Variants in SLC26A3 observed in about 807,000 individuals in gnomAD.
The protein encoded by SLC26A3 is chloride anion exchanger.
A neutral mutation model predicts 85.6 loss-of-function variants in SLC26A3; 64 were observed. The observed-to-expected ratio is 0.75, with a 90% CI of 0.61 to 0.92. SLC26A3 has a LOEUF of 0.92. SLC26A3 is among the 40% of genes least tolerant of loss of function. The pLI is 0.00. For missense variants in SLC26A3, 922 were observed against 927.3 expected, an observed-to-expected ratio of 0.99 and a Z score of 0.07; for synonymous variants, 349 against 336.0, an observed-to-expected ratio of 1.04 and a Z score of -0.42.
At chr7:107,802,224 T>C (rs988034720) in intron 1 of SLC26A3, among the ~76,000 whole-genome samples, 4 of 152,102 alleles carry the variant, frequency 2.6e-5, no homozygotes, top group African/African-American at 9.7e-5. Flanking sequence ...CTCACTTGCA[T>C]ATATAAAGAA....
chr7:107,779,527 A>C, intron 12 of SLC26A3, 141 bp downstream of exon 12: 1 of 709,022 alleles, frequency 1.4e-6, no homozygotes, highest in Admixed American at 2.4e-5. Context: ...AAAAATAGCA[A>C]ATAAAACAAA....
intron 16 of SLC26A3, 135 bp from the exon 17 acceptor site, chr7:107,774,288 A>C: frequency 1.3e-6 from 1 of 749,250 alleles, no homozygotes; most frequent in South Asian, 1.5e-5. Flanking sequence ...GTGGTGGCTC[A>C]TGCCTGTCAT....
In SLC26A3 at chr7:107,776,433, A is replaced by G; in HGVS notation, c.1677+19T>C. On this transcript the variant is annotated intron_variant, in intron 15 of 20. Transcript: ENST00000340010. ...CAGTAAGATTACAAGGAAAAAAATT[A>G]AATAACCCCAAACCTTACAGCATCG... is the stretch of plus-strand genomic sequence containing the variant. 1 of 1,589,854 alleles carries G rather than the reference A, an allele frequency of 6.3e-7. No homozygotes were observed. The highest frequency in any genetic ancestry group is 8.6e-7 in the Non-Finnish European group (1 of 1,158,204).
chr7:107,794,353 T>C lies in SLC26A3; in HGVS notation c.131+26A>G, dbSNP rs754704838. ...AAGTGCTTCAAAAATGTATTCCTAATGCCAATACCTTAAAAAATATCTTAC... is the reference window on the plus strand; with the variant it reads ...AAGTGCTTCAAAAATGTATTCCTAACGCCAATACCTTAAAAAATATCTTAC... On this transcript the variant is annotated intron_variant, in intron 2 of 20. Transcript: ENST00000340010. 1.9e-6 allele frequency: 3 copies of C among 1,613,008 alleles called. No individual in the cohort carries two copies. In the South Asian group the frequency reaches 3.3e-5, roughly 18 times the overall value.
chr7:107,784,038 A>C (rs1794252778), intron 8 of SLC26A3, among the ~76,000 whole-genome samples: 1 of 152,194 alleles, frequency 6.6e-6, no homozygotes, highest in African/African-American at 2.4e-5. Flanking sequence ...CTTAAACTCA[A>C]CATCAATTTA....
intron 5 of SLC26A3, 49 bp downstream of exon 5, chr7:107,790,999 G>A: frequency 6.3e-7 from 1 of 1,585,370 alleles, no homozygotes; most frequent in Non-Finnish European, 8.6e-7. Context: ...ATGTGTAACA[G>A]TCAAGATGAA....
intron 18 of SLC26A3, among the ~76,000 whole-genome samples, chr7:107,770,375 A>G (rs555968801): frequency 1.5e-5 from 2 of 137,596 alleles, no homozygotes; most frequent in Non-Finnish European, 3.2e-5. Flanking sequence ...TTCCATCTCA[A>G]CCTCCTGAGT....
chr7:107,787,301 C>T (rs1381409346), intron 7 of SLC26A3, 56 bp downstream of exon 7: 1 of 1,591,020 alleles, frequency 6.3e-7, no homozygotes, highest in Non-Finnish European at 8.6e-7. Context: ...TGGTGAAGGA[C>T]TTACAACATA....
At chr7:107,782,543 A>G (rs887508973) in intron 11 of SLC26A3, among the ~76,000 whole-genome samples, 3 of 152,198 alleles carry the variant, frequency 2.0e-5, no homozygotes, top group African/African-American at 7.2e-5. Flanking sequence ...TTCAACATTA[A>G]TTCTATTTGG....
chr7:107,770,002 CTTTCTTTCTTTCTTTCTTTCTTTCTTTCT>C lies in SLC26A3; in HGVS notation c.2062+2023_2062+2051del, dbSNP rs1164093324. Among the ~76,000 whole-genome samples, 11 of 30,624 alleles carry C rather than the reference CTTTCTTTCTTTCTTTCTTTCTTTCTTTCT, an allele frequency of 3.6e-4. No individual in the cohort carries two copies. In the African/African-American group the frequency reaches 4.0e-3, roughly 11 times the overall value. The allele number at this position is 30,624 out of a possible 152,430, so 20.1% of individuals were successfully genotyped here. A position where few individuals can be genotyped will look rare whatever the true frequency, so the allele number is the denominator to read the frequency against. On this transcript the variant is annotated intron_variant, in intron 18 of 20. Transcript: ENST00000340010. ...CTCCCTTCCTTCCTTCCTTTTTTCT[CTTTCTTTCTTTCTTTCTTTCTTTCTTTCT>C]TTCTTTCTTTCTTTCTTTCTCTTTT...
At chr7:107,793,933 T>C (rs750373252) in intron 2 of SLC26A3, 52 bp from the exon 3 acceptor site, 1 of 1,612,900 alleles carries the variant, frequency 6.2e-7, no homozygotes, top group Admixed American at 1.7e-5. Context: ...ATTTTAAGTT[T>C]AGTACCTGTC....
chr7:107,802,890 A>G lies in SLC26A3; in HGVS notation c.-89+221T>C, dbSNP rs530909426. The stretch of plus-strand genomic sequence containing the variant: ...GGCTATTTAAGACTTAATGATGCCT[A>G]CAACCATTTACTTGTTAAAGTCTAC... On this transcript the variant is annotated intron_variant, in intron 1 of 20. Transcript: ENST00000340010. 1.1e-4 allele frequency among the ~76,000 whole-genome samples: 16 copies of G among 152,326 alleles called. 1 individual carries two copies. In the South Asian group the frequency reaches 2.5e-3, roughly 24 times the overall value.
chr7:107,768,721 T>C (rs1324722134), intron 18 of SLC26A3, among the ~76,000 whole-genome samples: 1 of 152,246 alleles, frequency 6.6e-6, no homozygotes, highest in African/African-American at 2.4e-5. Flanking sequence ...ATAGATCATG[T>C]ACTATGAAAA....
rs767303007 is a variant in SLC26A3 at position 107,779,673 on chromosome 7, CAT to C, written c.1400_1401del (p.Tyr467Ter). 2 of 1,611,234 alleles carry C rather than the reference CAT, an allele frequency of 1.2e-6. No individual in the cohort carries two copies. The highest frequency in any genetic ancestry group is 1.7e-6 in the Non-Finnish European group (2 of 1,177,492). Reference protein sequence around the residue: ...EIGRLWRKDKYDCLIWIMTFI... With the variant: ...EIGRLWRKDKXDCLIWIMTFI... The stretch of plus-strand genomic sequence containing the variant: ...ATACTATTGCCTCTACTTACACAAT[CAT>C]ATTTGTCCTTTCGCCACAATCTGCC... On this transcript the variant is annotated frameshift_variant, in exon 12 of 21. Coordinates refer to ENST00000340010, the MANE Select transcript of SLC26A3 (RefSeq NM_000111.3). LOFTEE classifies it high-confidence loss of function.
intron 12 of SLC26A3, among the ~76,000 whole-genome samples, chr7:107,778,797 C>T (rs973669147): frequency 6.6e-6 from 1 of 151,886 alleles, no homozygotes; most frequent in Non-Finnish European, 1.5e-5. Flanking sequence ...CAAGACTAGC[C>T]TGGGCAACAT....
At chr7:107,800,531 T>A (rs112196998) in intron 1 of SLC26A3, among the ~76,000 whole-genome samples, 2,575 of 152,378 alleles carry the variant, frequency 0.017, 63 homozygotes, top group African/African-American at 0.058. Flanking sequence ...TGTATATATG[T>A]CTATTCCATG....
At chr7:107,799,452 G>A (rs1022630090) in intron 1 of SLC26A3, among the ~76,000 whole-genome samples, 8 of 151,952 alleles carry the variant, frequency 5.3e-5, no homozygotes, top group East Asian at 1.9e-4. Context: ...GTGCAGTGGC[G>A]CGATTTCATT....
chr7:107,773,271 T>C (rs1351645917), intron 17 of SLC26A3, among the ~76,000 whole-genome samples: 1 of 152,226 alleles, frequency 6.6e-6, no homozygotes, highest in Non-Finnish European at 1.5e-5. Context: ...CCTTTCCAGA[T>C]CTTCTCTGAT....
intron 1 of SLC26A3, among the ~76,000 whole-genome samples, chr7:107,797,475 CAG>C (rs1300409848): frequency 6.6e-6 from 1 of 150,998 alleles, no homozygotes; most frequent in Admixed American, 6.6e-5. Context: ...GCCTGGGTGA[CAG>C]AGCGAGACTC....
Sources: gnomAD v4.1 joint callset for allele counts (sites outside exome capture counted in the v4.1 genomes callset) on GRCh38, gnomAD v4.1.1 for gene constraint, MANE v1.5 for transcripts, NCBI Gene and HGNC (gene_info 2026-07-23, HGNC 2026-07-21) for gene names.